Variants in ARHGEF18 observed in about 807,000 individuals in gnomAD.
The protein encoded by ARHGEF18 is rho guanine nucleotide exchange factor 18.
ARHGEF18 carries 93 observed loss-of-function variants against 155.7 expected under a neutral mutation model. The observed-to-expected ratio is 0.60, with a 90% CI of 0.50 to 0.71. The LOEUF (loss-of-function observed/expected upper bound fraction) is 0.71, where lower values mean the gene tolerates loss of function less well. ARHGEF18 is among the 30% of genes least tolerant of loss of function. The probability of loss-of-function intolerance (pLI) is 0.00; values close to 1 mark genes in which losing one functional copy is unlikely to be tolerated. For missense variants in ARHGEF18, 1,593 were observed against 1,816.1 expected (o/e 0.88, Z 2.23); for synonymous variants, 742 against 753.1 (o/e 0.99, Z 0.24).
intron 10 of ARHGEF18, among the ~76,000 whole-genome samples, chr19:7,400,647 G>A (rs912316878): frequency 2.0e-5 from 3 of 152,108 alleles, no homozygotes; most frequent in Non-Finnish European, 4.4e-5. Flanking sequence ...AGCCTGGATA[G>A]CATAGCAAGA....
chr19:7,453,546 C>A lies in ARHGEF18; in HGVS notation c.1935C>A (p.Val645=). Residue 645 remains valine (V), a synonymous_variant, in exon 17 of 29, where the codon GTC becomes GTA. Transcript: ENST00000668164. ...KDIISQVDAK[V]SECEKGQRLR... Reference sequence around the variant, plus strand: ...TCATCTCACAAGTGGACGCCAAGGTCAGTGAGTGTGAGAAGGGCCAGCGCC... The same window carrying A: ...TCATCTCACAAGTGGACGCCAAGGTAAGTGAGTGTGAGAAGGGCCAGCGCC... 1.2e-6 allele frequency: 2 copies of A among 1,614,110 alleles called. No homozygotes were observed. Among genetic ancestry groups the A allele is most frequent in the Non-Finnish European group, 1.7e-6 (2 of 1,179,998 alleles).
chr19:7,457,223 C>T (rs1935955508), intron 18 of ARHGEF18, among the ~76,000 whole-genome samples: 2 of 152,104 alleles, frequency 1.3e-5, no homozygotes, highest in South Asian at 4.1e-4. Flanking sequence ...ATGTGCTCAT[C>T]TGTTCTCTGT....
chr19:7,404,579 C>T (rs918044427), intron 10 of ARHGEF18, among the ~76,000 whole-genome samples: 8 of 151,740 alleles, frequency 5.3e-5, no homozygotes, highest in Non-Finnish European at 1.2e-4. Context: ...CCTGCCTCAG[C>T]CTCCCCAGTA....
At chr19:7,455,575 G>A (rs757305192) in intron 17 of ARHGEF18, among the ~76,000 whole-genome samples, 19 of 152,054 alleles carry the variant, frequency 1.2e-4, no homozygotes, top group South Asian at 4.1e-4. Flanking sequence ...GCTGTGGCTC[G>A]GGTCCTGGTG....
intron 19 of ARHGEF18, among the ~76,000 whole-genome samples, chr19:7,459,635 C>G (rs2057007078): frequency 6.6e-6 from 1 of 152,236 alleles, no homozygotes. Context: ...CCTGGCAGGT[C>G]CTCTGCAAGC....
At chr19:7,442,148 T>C (rs200616455) in intron 13 of ARHGEF18, 96 bp downstream of exon 13, 6 of 465,056 alleles carry the variant, frequency 1.3e-5, no homozygotes, top group East Asian at 1.3e-4. Context: ...CTTCCTTCCT[T>C]CCTTCCTTCC....
intron 10 of ARHGEF18, among the ~76,000 whole-genome samples, chr19:7,399,643 G>T (rs150153390): frequency 0.014 from 2,069 of 151,860 alleles, 21 homozygotes; most frequent in Middle Eastern, 0.02. Context: ...ACCACGCCTG[G>T]CTAATTTTTT....
At chr19:7,425,892 C>T (rs1973635461) in intron 10 of ARHGEF18, among the ~76,000 whole-genome samples, 1 of 151,980 alleles carries the variant, frequency 6.6e-6, no homozygotes, top group Non-Finnish European at 1.5e-5. Context: ...CCCAGCTACT[C>T]AGGAGGCTGA....
intron 9 of ARHGEF18, 56 bp downstream of exon 9, chr19:7,382,950 G>A: frequency 8.1e-7 from 1 of 1,232,414 alleles, no homozygotes; most frequent in Non-Finnish European, 1.0e-6. Context: ...TTGGCTTGCT[G>A]CCCTTAGCCC....
chr19:7,437,278 A>G (rs1974319280), intron 10 of ARHGEF18, among the ~76,000 whole-genome samples: 1 of 152,070 alleles, frequency 6.6e-6, no homozygotes, highest in African/African-American at 2.4e-5. Flanking sequence ...AAAATACAAA[A>G]TTAGCCGGGT....
rs146162173 is a variant in ARHGEF18, at chr19:7,462,198, G to A, written c.2499G>A (p.Glu833=). 135 of 1,613,910 alleles carry A rather than the reference G, an allele frequency of 8.4e-5. No individual in the cohort carries two copies. Among genetic ancestry groups the A allele is most frequent in the Non-Finnish European group, 1.1e-4 (134 of 1,180,052 alleles). Residue 833 remains glutamate (E), a synonymous_variant, in exon 21 of 29, where the codon GAG becomes GAA. Coordinates refer to ENST00000668164, the MANE Select transcript of ARHGEF18 (RefSeq NM_001367823.1). The surrounding 1 kb of genome is among the most constrained non-coding windows in gnomAD (Gnocchi z 4.4). ...KDQLIAQSLL[E]KQQIYLEMAE... ...AGCTGATCGCACAGAGCCTCCTAGA[G>A]AAACAGCAGATCTACCTGGAGATGG...
chr19:7,389,317 A>ATTTTT (rs1203819709), intron 10 of ARHGEF18, among the ~76,000 whole-genome samples: 13 of 112,994 alleles, frequency 1.2e-4, no homozygotes, highest in African/African-American at 2.9e-4. Flanking sequence ...TACCAGGATA[A>ATTTTT]TTTTTTTTTT....
At chr19:7,373,448 C>G (rs1487097711) in intron 3 of ARHGEF18, among the ~76,000 whole-genome samples, 2 of 146,904 alleles carry the variant, frequency 1.4e-5, no homozygotes, top group African/African-American at 5.2e-5. Flanking sequence ...ACTAGATTCT[C>G]TTGTTTTTGT....
downstream of ARHGEF18, among the ~76,000 whole-genome samples, chr19:7,474,894 G>A (rs1451462187): frequency 6.6e-6 from 1 of 151,952 alleles, no homozygotes; most frequent in Non-Finnish European, 1.5e-5. Flanking sequence ...CTCCTTATGG[G>A]CCCTGGGGGG....
intron 10 of ARHGEF18, 149 bp downstream of exon 10, chr19:7,383,352 G>C: frequency 1.1e-6 from 1 of 886,994 alleles, no homozygotes; most frequent in South Asian, 5.7e-5. Context: ...GAGAACCAGG[G>C]ATCAGTCCCT....
At chr19:7,391,681 TG>T (rs1208274190) in intron 10 of ARHGEF18, among the ~76,000 whole-genome samples, 8 of 151,974 alleles carry the variant, frequency 5.3e-5, no homozygotes, top group Non-Finnish European at 1.5e-5. Context: ...GCTGGATAAG[TG>T]TCTGAATGTC....
chr19:7,473,011 T>A (rs1403851734), downstream of ARHGEF18: 3 of 456,250 alleles, frequency 6.6e-6, no homozygotes, highest in Middle Eastern at 3.3e-4. Flanking sequence ...TGGAGGTGCC[T>A]GTGGAGGGTC....
At chr19:7,439,798 CATG>C in intron 10 of ARHGEF18, 2 of 1,424,512 alleles carry the variant, frequency 1.4e-6, no homozygotes, top group South Asian at 3.3e-5. Flanking sequence ...CTCACCGTTT[CATG>C]ATCTTAGACT....
intron 10 of ARHGEF18, among the ~76,000 whole-genome samples, chr19:7,397,657 C>G (rs919154969): frequency 1.3e-5 from 2 of 151,566 alleles, no homozygotes; most frequent in African/African-American, 4.9e-5. Context: ...GGCGTGAACC[C>G]GGGAGGTAGA....
Sources: gnomAD v4.1 joint callset for allele counts (sites outside exome capture counted in the v4.1 genomes callset) on GRCh38, gnomAD v4.1.1 for gene constraint, Gnocchi (gnomAD v3.1) non-coding constraint, MANE v1.5 for transcripts, NCBI Gene and HGNC (gene_info 2026-07-23, HGNC 2026-07-21) for gene names.